LANCL3: variants seen among roughly 807,000 people sequenced by gnomAD.
LANCL3 encodes lanC-like protein 3.
LANCL3 carries 19 observed loss-of-function variants against 26.5 expected under a neutral mutation model. That is an observed-to-expected ratio of 0.72 (90% CI 0.50 to 1.05). LANCL3 has a LOEUF of 1.05. Ranked by LOEUF, LANCL3 falls within the 50% of genes least tolerant of loss-of-function variation. LANCL3 has a pLI of 0.00. For synonymous variants in LANCL3, 160 were observed against 166.6 expected, an observed-to-expected ratio of 0.96 and a Z score of 0.30; for missense variants, 318 against 362.7, an observed-to-expected ratio of 0.88 and a Z score of 1.00.
chrX:37,610,987 A>G (rs1349527886), intron 1 of LANCL3, among the ~76,000 whole-genome samples: 1 of 112,127 alleles, frequency 8.9e-6, no homozygotes, highest in East Asian at 2.8e-4. Context: ...GAAAGCCAAT[A>G]AAATGTGTGA....
chrX:37,654,650 C>T (rs192936286), intron 1 of LANCL3, among the ~76,000 whole-genome samples: 1 of 110,905 alleles, frequency 9.0e-6, no homozygotes. Flanking sequence ...ACGGAGGAAG[C>T]GAATAAAGAA....
intron 1 of LANCL3, among the ~76,000 whole-genome samples, chrX:37,654,021 C>T (rs782566296): frequency 9.0e-6 from 1 of 111,634 alleles, no homozygotes; most frequent in African/African-American, 3.3e-5. Context: ...TTTAGTTGCT[C>T]TATTGTAGAC....
In LANCL3 at chrX:37,584,247, G is replaced by A. The variant is rs1166309241; in HGVS notation, c.573+11804G>A. ...GCATTTTTTTGAGGATTTTTGCCTC[G>A]ATGTTCATCAGGGATATTGGTCTAA... On this transcript the variant is annotated intron_variant, in intron 1 of 4. Coordinates refer to ENST00000378619, the MANE Select transcript of LANCL3 (RefSeq NM_001170331.2). Among the ~76,000 whole-genome samples the A allele has an allele frequency of 1.2e-4, 13 of 109,665 alleles. No homozygotes were observed. The South Asian group carries it at 3.1e-3, about 26-fold the overall frequency.
At chrX:37,652,460 G>C (rs1556429384) in intron 1 of LANCL3, among the ~76,000 whole-genome samples, 1 of 111,976 alleles carries the variant, frequency 8.9e-6, no homozygotes, top group Non-Finnish European at 1.9e-5. Context: ...AAGTGAATCA[G>C]TTAAACTAAA....
intron 1 of LANCL3, among the ~76,000 whole-genome samples, chrX:37,592,491 A>G (rs1190606636): frequency 1.8e-5 from 2 of 112,568 alleles, no homozygotes; most frequent in African/African-American, 6.5e-5. Flanking sequence ...CTGCATAAGA[A>G]AATTTCCCAA....
At chrX:37,655,020 C>G (rs911889992) in intron 1 of LANCL3, among the ~76,000 whole-genome samples, 1 of 112,581 alleles carries the variant, frequency 8.9e-6, no homozygotes, top group African/African-American at 3.2e-5. Context: ...GCTTGAGAAC[C>G]GTTTAATCTC....
intron 1 of LANCL3, among the ~76,000 whole-genome samples, chrX:37,651,320 GA>G (rs1221819046): frequency 9.0e-6 from 1 of 111,505 alleles, no homozygotes; most frequent in Non-Finnish European, 1.9e-5. Flanking sequence ...CTTCCACAAT[GA>G]AAAAAACCAT....
intron 1 of LANCL3, among the ~76,000 whole-genome samples, chrX:37,604,496 A>G (rs1392440212): frequency 3.6e-5 from 4 of 112,005 alleles, no homozygotes; most frequent in African/African-American, 1.3e-4. Flanking sequence ...TATTGTTCGT[A>G]TGTCTATAGG....
Position 37,682,702 on chromosome X carries a change from T to G in LANCL3, c.*6889T>G, listed in dbSNP as rs1435559414. On this transcript the variant is annotated 3_prime_UTR_variant, in exon 5 of 5. Transcript: ENST00000378619. ...AGATCATCCGTTTTGTCTTTGTTTTTTAGGACTTTGCTATTTCAATATTAA... is the reference window on the plus strand; with the variant it reads ...AGATCATCCGTTTTGTCTTTGTTTTGTAGGACTTTGCTATTTCAATATTAA... 1 of 112,621 alleles carries G rather than the reference T, an allele frequency of 8.9e-6. No homozygotes were observed. Among genetic ancestry groups the G allele is most frequent in the African/African-American group, 3.2e-5 (1 of 30,979 alleles). 9.3% of individuals were successfully genotyped at this position (112,621 alleles called of 1,213,427 possible). A position where few individuals can be genotyped will look rare whatever the true frequency, so the allele number is the denominator to read the frequency against.
chrX:37,659,541 G>A lies in LANCL3; in HGVS notation c.777G>A (p.Leu259=). ...HEHLKPSDRE[L]VWQSVDFLME... is the part of the protein sequence containing the mutation. ...ATCTCAAGCCCTCAGATCGGGAATT[G>A]GTATGGCAGAGCGTGGACTTTCTCA... Residue 259 remains leucine (L), a synonymous_variant, in exon 3 of 5, where the codon TTG becomes TTA. Coordinates refer to ENST00000378619, the MANE Select transcript of LANCL3 (RefSeq NM_001170331.2). 8.3e-7 allele frequency: 1 copy of A among 1,209,334 alleles called. No individual in the cohort carries two copies. Among genetic ancestry groups the A allele is most frequent in the South Asian group, 1.8e-5 (1 of 56,854 alleles).
chrX:37,572,189 G>T lies in LANCL3; in HGVS notation c.319G>T (p.Glu107Ter), dbSNP rs1257536512. Residue 107 changes from glutamate (E) to a stop codon, truncating the protein, a stop_gained, in exon 1 of 5, where the codon GAG becomes TAG. Coordinates refer to ENST00000378619, the MANE Select transcript of LANCL3 (RefSeq NM_001170331.2). LOFTEE classifies it high-confidence loss of function. ...KRLIDACARA[E>*]EWGEPDADTR... The stretch of plus-strand genomic sequence containing the variant: ...CCTCATCGACGCGTGCGCCCGCGCT[G>T]AGGAGTGGGGCGAACCGGACGCCGA... 8.5e-6 allele frequency: 10 copies of T among 1,174,913 alleles called. No individual in the cohort carries two copies. Among genetic ancestry groups the T allele is most frequent in the Non-Finnish European group, 1.0e-5 (9 of 882,538 alleles).
chrX:37,585,372 A>G (rs141861276), intron 1 of LANCL3, among the ~76,000 whole-genome samples: 3,940 of 111,056 alleles, frequency 0.035, 178 homozygotes, highest in African/African-American at 0.12. Context: ...TGTCTCATTG[A>G]TCTGTCTAAT....
intron 1 of LANCL3, among the ~76,000 whole-genome samples, chrX:37,630,883 G>A (rs1925478139): frequency 9.0e-6 from 1 of 110,759 alleles, no homozygotes; most frequent in Non-Finnish European, 1.9e-5. Context: ...TTGCATCAAT[G>A]TTCATCAAGG....
intron 1 of LANCL3, among the ~76,000 whole-genome samples, chrX:37,628,607 C>T (rs1459832889): frequency 1.4e-5 from 1 of 70,104 alleles, no homozygotes; most frequent in Non-Finnish European, 2.6e-5. Flanking sequence ...CTCCCCCCAC[C>T]CCACAACAGT....
At chrX:37,655,645 G>C in intron 1 of LANCL3, 43 bp from the exon 2 acceptor site, 1 of 1,137,337 alleles carries the variant, frequency 8.8e-7, no homozygotes, top group Middle Eastern at 2.5e-4. Flanking sequence ...TAAGGAAAAA[G>C]GAGATCCTGC....
chrX:37,612,251 T>G (rs1556421264), intron 1 of LANCL3, among the ~76,000 whole-genome samples: 1 of 112,053 alleles, frequency 8.9e-6, no homozygotes, highest in Non-Finnish European at 1.9e-5. Context: ...CTATTGTTTT[T>G]ATTATTATTT....
rs188772357 is a variant in LANCL3 at position 37,662,037 on chromosome X, A to G, written c.895+2378A>G. On this transcript the variant is annotated intron_variant, in intron 3 of 4. Coordinates refer to ENST00000378619, the MANE Select transcript of LANCL3 (RefSeq NM_001170331.2). Reference sequence around the variant, plus strand: ...GTGCCTTTGTCTCTTTATCTGTGAAATGAGCACTTTGAGACTGAGTAGTGG... The same window carrying G: ...GTGCCTTTGTCTCTTTATCTGTGAAGTGAGCACTTTGAGACTGAGTAGTGG... Among the ~76,000 whole-genome samples, 265 of 112,431 alleles carry G rather than the reference A, an allele frequency of 2.4e-3. 1 individual carries two copies. The highest frequency in any genetic ancestry group is 4.0e-3 in the Non-Finnish European group (212 of 53,219).
chrX:37,588,370 T>C (rs1377736053), intron 1 of LANCL3, among the ~76,000 whole-genome samples: 7 of 111,555 alleles, frequency 6.3e-5, no homozygotes, highest in Non-Finnish European at 1.3e-4. Flanking sequence ...AGTTCATCTC[T>C]GACCACCAGT....
intron 1 of LANCL3, among the ~76,000 whole-genome samples, chrX:37,647,111 G>A (rs981431259): frequency 2.7e-5 from 3 of 111,255 alleles, no homozygotes; most frequent in Non-Finnish European, 5.7e-5. Context: ...TCAGGAAATC[G>A]AGACCATCCT....
Sources: gnomAD v4.1 joint callset for allele counts (sites outside exome capture counted in the v4.1 genomes callset) on GRCh38, gnomAD v4.1.1 for gene constraint, MANE v1.5 for transcripts, NCBI Gene and HGNC (gene_info 2026-07-23, HGNC 2026-07-21) for gene names.